The following SMARCAL1 variants were observed in gnomAD, a reference collection of about 807,000 sequenced individuals.
SMARCAL1 encodes the protein ATP-driven annealing helicase.
SMARCAL1 carries 58 observed loss-of-function variants against 94.5 expected under a neutral mutation model. The ratio of observed to expected loss-of-function variants is 0.61; its 90% CI spans 0.50 to 0.76. The LOEUF (loss-of-function observed/expected upper bound fraction) is 0.76, where lower values mean the gene tolerates loss of function less well. Ranked by LOEUF, SMARCAL1 falls within the 30% of genes least tolerant of loss-of-function variation. SMARCAL1 has a pLI of 0.00. For synonymous variants in SMARCAL1, 422 were observed against 455.1 expected (o/e 0.93, Z 0.93); for missense variants, 1,051 against 1,177.9 (o/e 0.89, Z 1.58).
chr2:216,473,265 A>AAT (rs1020157814), intron 14 of SMARCAL1, among the ~76,000 whole-genome samples: 1 of 152,122 alleles, frequency 6.6e-6, no homozygotes, highest in African/African-American at 2.4e-5. Flanking sequence ...ATGGAATATA[A>AAT]ATGTGGAGAA....
chr2:216,417,354 A>G (rs1693624345), intron 4 of SMARCAL1, among the ~76,000 whole-genome samples: 1 of 142,454 alleles, frequency 7.0e-6, no homozygotes, highest in East Asian at 2.1e-4. Context: ...CTTAAACAAT[A>G]CAAATTTATT....
chr2:216,416,425 GC>G (rs1693603804), intron 4 of SMARCAL1, 118 bp downstream of exon 4: 2 of 829,722 alleles, frequency 2.4e-6, no homozygotes, highest in Non-Finnish European at 1.9e-6. Flanking sequence ...AGCTTTCAGG[GC>G]ACCCCCCCCA....
At chr2:216,421,989 C>T (rs770849854) in intron 5 of SMARCAL1, among the ~76,000 whole-genome samples, 4 of 152,060 alleles carry the variant, frequency 2.6e-5, no homozygotes, top group Non-Finnish European at 1.5e-5. Context: ...GGGAGTTGTG[C>T]GAGGCCCAGG....
Position 216,477,121 on chromosome 2 carries a change from G to A in SMARCAL1, c.2440G>A (p.Ala814Thr). Residue 814 changes from alanine to threonine, a missense_variant, in exon 16 of 18, where the codon GCT becomes ACT. By Grantham distance (58) the Ala-to-Thr change is moderately conservative. Transcript: ENST00000357276. ...LFWNPGVLIQ[A>T]EDRVHRIGQT... ...CCTGGACACACAGGTGCTGATCCAG[G>A]CTGAGGACCGCGTGCACCGCATTGG... 3.2e-6 allele frequency: 5 copies of A among 1,579,480 alleles called. No homozygotes were observed. Among genetic ancestry groups the A allele is most frequent in the Non-Finnish European group, 4.3e-6 (5 of 1,162,500 alleles).
intron 12 of SMARCAL1, among the ~76,000 whole-genome samples, chr2:216,462,805 G>A (rs1029736587): frequency 1.3e-5 from 2 of 149,240 alleles, no homozygotes; most frequent in South Asian, 4.2e-4. Flanking sequence ...GGACAACATA[G>A]TGAGATCCTG....
At position 216,477,198 on chromosome 2, in the gene SMARCAL1, T is replaced by C. The variant is rs2106088665; in HGVS notation, c.2517T>C (p.Asp839=). 1 of 1,592,954 alleles carries C rather than the reference T, an allele frequency of 6.3e-7. No individual in the cohort carries two copies. The highest frequency in any genetic ancestry group is 2.3e-5 in the East Asian group (1 of 44,274). Residue 839 remains aspartate, a synonymous_variant, in exon 16 of 18, where the codon GAT becomes GAC. Transcript: ENST00000357276. ...IHYLVAKGTA[D]DYLWPLIQEK... is the part of the protein sequence containing the mutation. ...ACCTCGTGGCAAAGGGCACAGCTGA[T>C]GACTACCTTTGGTATGGCTTGGTTG...
At chr2:216,421,648 G>A (rs542029227) in intron 5 of SMARCAL1, among the ~76,000 whole-genome samples, 10 of 152,162 alleles carry the variant, frequency 6.6e-5, no homozygotes, top group Non-Finnish European at 1.5e-4. Context: ...TAGGGGAGAA[G>A]CAGCTATAGA....
rs759861726 is a variant in SMARCAL1, at chr2:216,477,133, G to A, written c.2452G>A (p.Val818Met). 8 of 1,588,396 alleles carry A rather than the reference G, an allele frequency of 5.0e-6. No homozygotes were observed. The highest frequency in any genetic ancestry group is 1.2e-5 in the South Asian group (1 of 86,850). The change falls in exon 16 of 18, where the codon GTG (valine) becomes ATG (methionine). Residue 818 changes from valine (V) to methionine (M), a missense_variant. Val to Met is a conservative substitution (Grantham distance 21, BLOSUM62 1). Transcript: ENST00000357276. ...PGVLIQAEDR[V>M]HRIGQTSSVG... Reference sequence around the variant, plus strand: ...GGTGCTGATCCAGGCTGAGGACCGCGTGCACCGCATTGGACAGACCAGCTC... The same window carrying A: ...GGTGCTGATCCAGGCTGAGGACCGCATGCACCGCATTGGACAGACCAGCTC...
intron 11 of SMARCAL1, among the ~76,000 whole-genome samples, chr2:216,449,508 C>G (rs1166971964): frequency 6.6e-6 from 1 of 152,116 alleles, no homozygotes. Context: ...CTGAGAACTT[C>G]CAGTTGATTT....
In SMARCAL1 at chr2:216,482,990, G is replaced by GAAAAAAA; in HGVS notation, c.*14_*20dup. On this transcript the variant is annotated 3_prime_UTR_variant, in exon 18 of 18. Transcript: ENST00000357276. The surrounding 1 kb of genome is among the most constrained non-coding windows in gnomAD (Gnocchi z 4.3). ...GTCTCCCCTGTAAAAGGGGCAAAAA[G>GAAAAAAA]AAAAAAATAAAAAGCATTTTAAAAT... 6.2e-7 allele frequency: 1 copy of GAAAAAAA among 1,606,862 alleles called. No individual in the cohort carries two copies. The highest frequency in any genetic ancestry group is 8.5e-7 in the Non-Finnish European group (1 of 1,178,056).
At chr2:216,465,001 G>C (rs1227288039) in intron 13 of SMARCAL1, among the ~76,000 whole-genome samples, 1 of 152,148 alleles carries the variant, frequency 6.6e-6, no homozygotes, top group Non-Finnish European at 1.5e-5. Context: ...AACAGAATTA[G>C]CTGGGCATGG....
At chr2:216,432,950 G>T in intron 8 of SMARCAL1, 82 bp downstream of exon 8, 1 of 1,549,970 alleles carries the variant, frequency 6.5e-7, no homozygotes, top group Non-Finnish European at 8.9e-7. Flanking sequence ...TGCAGACAGG[G>T]CCTAGGGATC....
At chr2:216,435,140 G>T (rs1694052475) in intron 8 of SMARCAL1, among the ~76,000 whole-genome samples, 198 bp from the exon 9 acceptor site, 1 of 152,070 alleles carries the variant, frequency 6.6e-6, no homozygotes. Flanking sequence ...TTACAGGTGT[G>T]AGCGACCGCA....
At chr2:216,420,572 T>C in intron 5 of SMARCAL1, 40 bp downstream of exon 5, 1 of 1,492,768 alleles carries the variant, frequency 6.7e-7, no homozygotes, top group Non-Finnish European at 9.3e-7. Flanking sequence ...GAATGTGTAG[T>C]GGTCTGTGAT....
At chr2:216,413,993 C>T (rs1693525698) in intron 2 of SMARCAL1, 101 bp downstream of exon 2, 2 of 152,112 alleles carry the variant, frequency 1.3e-5, no homozygotes, top group African/African-American at 4.8e-5. Context: ...CAATGCATAA[C>T]TTTCTTAGGT....
At chr2:216,439,064 C>G (rs1694141743) in intron 10 of SMARCAL1, among the ~76,000 whole-genome samples, 1 of 152,160 alleles carries the variant, frequency 6.6e-6, no homozygotes, top group Non-Finnish European at 1.5e-5. Context: ...TCTGTGGCTA[C>G]CCTGAGCCTC....
At chr2:216,422,352 C>G (rs889475193) in intron 5 of SMARCAL1, among the ~76,000 whole-genome samples, 2 of 152,112 alleles carry the variant, frequency 1.3e-5, no homozygotes, top group African/African-American at 4.8e-5. Flanking sequence ...TGCACTCCAG[C>G]CTGGGTGACA....
rs749326502 is a variant in SMARCAL1 at position 216,414,845 on chromosome 2, C to T, written c.141C>T (p.Phe47=). ...SSGTSIAGNP[F]QAKQGPSQNF... ...GCACCTCCATTGCTGGCAACCCATT[C>T]CAGGCCAAGCAAGGCCCATCCCAAA... The change falls in exon 3 of 18, where the codon TTC becomes TTT. Residue 47 remains phenylalanine, a synonymous_variant. Coordinates refer to ENST00000357276, the MANE Select transcript of SMARCAL1 (RefSeq NM_014140.4). 6.2e-7 allele frequency: 1 copy of T among 1,614,224 alleles called. No individual in the cohort carries two copies. The highest frequency in any genetic ancestry group is 8.5e-7 in the Non-Finnish European group (1 of 1,180,048).
chr2:216,437,241 C>G (rs1244415127), intron 9 of SMARCAL1, among the ~76,000 whole-genome samples: 2 of 152,184 alleles, frequency 1.3e-5, no homozygotes, highest in African/African-American at 2.4e-5. Context: ...TGTTTTTTCT[C>G]CATAAATACA....
Sources: allele counts gnomAD v4.1 joint callset (sites outside exome capture counted in the v4.1 genomes callset), GRCh38; gene constraint gnomAD v4.1.1; non-coding constraint Gnocchi (gnomAD v3.1); transcripts MANE v1.5; gene names NCBI Gene and HGNC (gene_info 2026-07-23, HGNC 2026-07-21).